ACTR3C: variants seen among roughly 807,000 people sequenced by gnomAD.
ACTR3C encodes the protein actin related protein 3C.
Under a neutral mutation model 26.3 loss-of-function variants are expected in ACTR3C, and 18 were observed. The observed-to-expected ratio is 0.68, with a 90% CI of 0.47 to 1.01. The LOEUF is 1.01. ACTR3C is among the 50% of genes least tolerant of loss of function. The probability of loss-of-function intolerance (pLI) is 0.00; values close to 1 mark genes in which losing one functional copy is unlikely to be tolerated. For missense variants in ACTR3C, 184 were observed against 250.7 expected (o/e 0.73, Z 1.80); for synonymous variants, 55 against 94.5 (o/e 0.58, Z 2.42).
chr7:150,136,289 C>T, the ACTR3C span, among the ~76,000 whole-genome samples: 227 of 152,300 alleles, frequency 1.5e-3, no homozygotes, highest in African/African-American at 5.1e-3. Context: ...TTTTCAGAAA[C>T]GCCAACAAGA....
chr7:150,013,492 G>C, the ACTR3C span, among the ~76,000 whole-genome samples: 1 of 152,214 alleles, frequency 6.6e-6, no homozygotes. Context: ...ATCCATGCCT[G>C]TCTTAATGGA....
the ACTR3C span, among the ~76,000 whole-genome samples, chr7:150,035,380 C>A: frequency 4.0e-5 from 2 of 50,378 alleles, 1 homozygote; most frequent in African/African-American, 1.4e-4. Flanking sequence ...GTGCCTCCCC[C>A]TCGTGCGATG....
At chr7:149,932,687 G>A in the ACTR3C span, among the ~76,000 whole-genome samples, 65 of 150,840 alleles carry the variant, frequency 4.3e-4, no homozygotes, top group Admixed American at 7.3e-4. Context: ...GGGAGGGAGC[G>A]GGGGAGAGAG....
chr7:150,100,569 G>A, the ACTR3C span, among the ~76,000 whole-genome samples: 3,154 of 151,678 alleles, frequency 0.021, 220 homozygotes, highest in African/African-American at 0.069. Context: ...TATCATGCCC[G>A]GAACCTATTC....
At chr7:150,237,144 AT>A in the ACTR3C span, among the ~76,000 whole-genome samples, 2 of 152,124 alleles carry the variant, frequency 1.3e-5, no homozygotes, top group Non-Finnish European at 2.9e-5. Context: ...TCCAAATGGC[AT>A]TGATGCTGGA....
intron 1 of ACTR3C, among the ~76,000 whole-genome samples, chr7:150,297,915 TA>T (rs1346325491): frequency 1.3e-5 from 2 of 149,768 alleles, no homozygotes; most frequent in Non-Finnish European, 3.0e-5. Flanking sequence ...GTAAATGTTA[TA>T]AATTTTAATG....
the ACTR3C span, among the ~76,000 whole-genome samples, chr7:149,944,427 C>T: frequency 6.6e-6 from 1 of 151,902 alleles, no homozygotes; most frequent in Admixed American, 6.5e-5. Flanking sequence ...AGCATTGCAG[C>T]GGGCATAAAA....
At chr7:150,011,918 A>C in the ACTR3C span, among the ~76,000 whole-genome samples, 3 of 152,218 alleles carry the variant, frequency 2.0e-5, no homozygotes, top group African/African-American at 4.8e-5. Flanking sequence ...ATTAATGACT[A>C]ATCACTATTT....
the ACTR3C span, among the ~76,000 whole-genome samples, chr7:149,970,685 A>C: frequency 1.3e-5 from 2 of 152,172 alleles, no homozygotes; most frequent in African/African-American, 2.4e-5. Context: ...CCAACCAACC[A>C]ACCAAAATGC....
chr7:150,058,673 TGGG>T, the ACTR3C span, among the ~76,000 whole-genome samples: 1 of 152,240 alleles, frequency 6.6e-6, no homozygotes, highest in Non-Finnish European at 1.5e-5. Context: ...TCTCAGCACT[TGGG>T]GAGGCCAAGG....
chr7:149,984,940 T>A, the ACTR3C span, among the ~76,000 whole-genome samples: 3 of 152,150 alleles, frequency 2.0e-5, no homozygotes, highest in Admixed American at 6.5e-5. Flanking sequence ...AATATGTGTG[T>A]TTCACCATTT....
chr7:150,320,394 C>T (rs897960120), intron 1 of ACTR3C, among the ~76,000 whole-genome samples: 1 of 152,194 alleles, frequency 6.6e-6, no homozygotes, highest in Non-Finnish European at 1.5e-5. Context: ...TTGTTATTCT[C>T]TTGTGCAATT....
chr7:150,033,874 CA>C, the ACTR3C span, among the ~76,000 whole-genome samples: 1 of 150,690 alleles, frequency 6.6e-6, no homozygotes, highest in African/African-American at 2.5e-5. Context: ...ATCCTAAGAG[CA>C]AAGGGGGGAA....
chr7:150,030,540 G>A, the ACTR3C span, among the ~76,000 whole-genome samples: 4 of 152,162 alleles, frequency 2.6e-5, no homozygotes, highest in Non-Finnish European at 5.9e-5. Flanking sequence ...TGTCAGCCTT[G>A]CATCAGGCCA....
At chr7:150,047,406 G>A in the ACTR3C span, among the ~76,000 whole-genome samples, 1 of 152,082 alleles carries the variant, frequency 6.6e-6, no homozygotes, top group African/African-American at 2.4e-5. Context: ...CGGCCGCCGC[G>A]GCTGCAGACA....
chr7:150,147,155 T>G, the ACTR3C span, among the ~76,000 whole-genome samples: 6 of 152,268 alleles, frequency 3.9e-5, no homozygotes, highest in East Asian at 1.2e-3. Context: ...GAAAATCAAT[T>G]AAAAACATTT....
the ACTR3C span, among the ~76,000 whole-genome samples, chr7:150,194,923 A>T: frequency 3.2e-4 from 48 of 151,922 alleles, 1 homozygote; most frequent in Non-Finnish European, 5.7e-4. Flanking sequence ...GTGAAACACC[A>T]TCTGTATTAA....
At chr7:150,054,988 CT>C in the ACTR3C span, among the ~76,000 whole-genome samples, 29 of 152,302 alleles carry the variant, frequency 1.9e-4, 1 homozygote, top group East Asian at 5.6e-3. Context: ...TTTCTTGCTC[CT>C]TTTGGTACAT....
At chr7:149,887,399 A>AGACTGTGATAACAGACTGTAG in the ACTR3C span, among the ~76,000 whole-genome samples, 8 of 152,232 alleles carry the variant, frequency 5.3e-5, no homozygotes, top group Admixed American at 4.6e-4. Flanking sequence ...ACAGAGAGCG[A>AGACTGTGATAACAGACTGTAG]GACTGTGATA....
Sources: allele counts gnomAD v4.1 joint callset (sites outside exome capture counted in the v4.1 genomes callset), GRCh38; gene constraint gnomAD v4.1.1; transcripts MANE v1.5; gene names NCBI Gene and HGNC (gene_info 2026-07-23, HGNC 2026-07-21).